SLC25A12: variants seen among roughly 807,000 people sequenced by gnomAD.
The protein encoded by SLC25A12 is electrogenic aspartate/glutamate antiporter SLC25A12, mitochondrial.
A neutral mutation model predicts 83.3 loss-of-function variants in SLC25A12; 32 were observed. The ratio of observed to expected loss-of-function variants is 0.38; its 90% CI spans 0.29 to 0.52. The LOEUF (loss-of-function observed/expected upper bound fraction) is 0.52. Ranked by LOEUF, SLC25A12 falls within the 20% of genes least tolerant of loss-of-function variation. The pLI is 0.84. For synonymous variants in SLC25A12, 267 were observed against 291.1 expected (o/e 0.92, Z 0.84); for missense variants, 611 against 835.6 (o/e 0.73, Z 3.31).
intron 17 of SLC25A12, among the ~76,000 whole-genome samples, chr2:171,785,856 GA>G (rs1690478741): frequency 6.6e-6 from 1 of 151,822 alleles, no homozygotes; most frequent in African/African-American, 2.4e-5. Flanking sequence ...AGCTGGTTTC[GA>G]ACTTCTGGTC....
At chr2:171,845,308 C>T (rs1006180185) in intron 4 of SLC25A12, among the ~76,000 whole-genome samples, 4 of 151,778 alleles carry the variant, frequency 2.6e-5, no homozygotes, top group Non-Finnish European at 5.9e-5. Context: ...TCTATACTTA[C>T]TATAAAAGTC....
chr2:171,844,334 T>C, intron 5 of SLC25A12, 35 bp downstream of exon 5: 1 of 1,601,532 alleles, frequency 6.2e-7, no homozygotes, highest in Non-Finnish European at 8.6e-7. Flanking sequence ...AGAAGAATAG[T>C]ATATATTGAT....
At chr2:171,846,930 C>T (rs1411916950) in intron 4 of SLC25A12, among the ~76,000 whole-genome samples, 1 of 152,122 alleles carries the variant, frequency 6.6e-6, no homozygotes, top group Non-Finnish European at 1.5e-5. Flanking sequence ...ACTTCTTAGC[C>T]ATCTCTAAAT....
intron 3 of SLC25A12, among the ~76,000 whole-genome samples, chr2:171,863,129 C>T (rs180777959): frequency 3.3e-5 from 5 of 152,260 alleles, no homozygotes; most frequent in African/African-American, 1.2e-4. Context: ...TCTCAAACTC[C>T]TGGCCTCAAG....
At chr2:171,888,739 G>C (rs889939069) in intron 2 of SLC25A12, among the ~76,000 whole-genome samples, 21 of 151,922 alleles carry the variant, frequency 1.4e-4, no homozygotes, top group Non-Finnish European at 2.9e-4. Flanking sequence ...CACCACACCC[G>C]GCCATTTTAT....
Position 171,877,673 on chromosome 2 carries a change from A to T in SLC25A12, c.67-8850T>A, listed in dbSNP as rs558326808. On this transcript the variant is annotated intron_variant, in intron 2 of 17. Coordinates refer to ENST00000422440, the MANE Select transcript of SLC25A12 (RefSeq NM_003705.5). The stretch of plus-strand genomic sequence containing the variant: ...GACCAGAAGAAGACTCCATCCCAGG[A>T]AAAAAAAAAAAAAAAAGGATGTATG... Among the ~76,000 whole-genome samples, 533 of 88,806 alleles carry T rather than the reference A, an allele frequency of 6.0e-3. 4 individuals are homozygous for T. Among genetic ancestry groups the T allele is most frequent in the African/African-American group, 0.017 (516 of 31,232 alleles). 58.3% of individuals were successfully genotyped at this position (88,806 alleles called of 152,430 possible).
In SLC25A12 at chr2:171,813,501, C is replaced by A. The variant is rs759281812; in HGVS notation, c.1013-4G>T. Reference sequence around the variant, plus strand: ...TACACTGCAGTGGCTCCCACAGCTACAAACAGAACAATTTTTAGGCTTAAA... The same window carrying A: ...TACACTGCAGTGGCTCCCACAGCTAAAAACAGAACAATTTTTAGGCTTAAA... On this transcript the variant is annotated splice_region_variant and splice_polypyrimidine_tract_variant and intron_variant, in intron 10 of 17. Coordinates refer to ENST00000422440, the MANE Select transcript of SLC25A12 (RefSeq NM_003705.5). 2.5e-6 allele frequency: 4 copies of A among 1,613,756 alleles called. No homozygotes were observed. The highest frequency in any genetic ancestry group is 3.4e-6 in the Non-Finnish European group (4 of 1,179,782).
rs1478022809 is a variant in SLC25A12 at position 171,791,548 on chromosome 2, T to A, written c.1488A>T (p.Ala496=). 1 of 1,613,858 alleles carries A rather than the reference T, an allele frequency of 6.2e-7. No individual in the cohort carries two copies. The highest frequency in any genetic ancestry group is 1.1e-5 in the South Asian group (1 of 91,082). ...AATGAGCATAAACAGGAAAATAGAT[T>A]GCAGAGAAGGGAATGTCTCGGAGGA... ...ACFLRDIPFS[A]IYFPVYAHCK... The change falls in exon 15 of 18, where the codon GCA becomes GCT. Residue 496 remains alanine, a synonymous_variant. Coordinates refer to ENST00000422440, the MANE Select transcript of SLC25A12 (RefSeq NM_003705.5).
chr2:171,859,821 G>T (rs1685117937), intron 3 of SLC25A12, among the ~76,000 whole-genome samples: 1 of 152,070 alleles, frequency 6.6e-6, no homozygotes. Context: ...GAGTGCAATG[G>T]CATGATCTCG....
At position 171,791,531 on chromosome 2, in the gene SLC25A12, T is replaced by C; in HGVS notation, c.1505A>G (p.Tyr502Cys). ...IPFSAIYFPVYAHCKLLLADE... is the reference protein window; with the variant it reads ...IPFSAIYFPVCAHCKLLLADE... ...AGCCAGAAGTAGTTTGCAATGAGCATAAACAGGAAAATAGATTGCAGAGAA... is the reference window on the plus strand; with the variant it reads ...AGCCAGAAGTAGTTTGCAATGAGCACAAACAGGAAAATAGATTGCAGAGAA... Residue 502 changes from tyrosine to cysteine, a missense_variant, in exon 15 of 18, where the codon TAT becomes TGT. Physicochemically the swap from Tyr to Cys is radical, Grantham distance 194 (BLOSUM62 -2). Transcript: ENST00000422440. 1 of 1,613,600 alleles carries C rather than the reference T, an allele frequency of 6.2e-7. No individual in the cohort carries two copies. Among genetic ancestry groups the C allele is most frequent in the Non-Finnish European group, 8.5e-7 (1 of 1,179,662 alleles).
At position 171,784,796 on chromosome 2, in the gene SLC25A12, T is replaced by C. The variant is rs1690456757; in HGVS notation, c.*478A>G. The C allele has an allele frequency of 5.5e-6, 1 of 183,108 alleles. No individual in the cohort carries two copies. Among genetic ancestry groups the C allele is most frequent in the South Asian group, 1.2e-4 (1 of 8,490 alleles). The allele number at this position is 183,108 out of a possible 1,614,324, so 11.3% of individuals were successfully genotyped here. ...AATTAAATACATCCAATATTGATGCTTTATTTCCATAAGTCACCAATAAGA... is the reference window on the plus strand; with the variant it reads ...AATTAAATACATCCAATATTGATGCCTTATTTCCATAAGTCACCAATAAGA... On this transcript the variant is annotated 3_prime_UTR_variant, in exon 18 of 18. Coordinates refer to ENST00000422440, the MANE Select transcript of SLC25A12 (RefSeq NM_003705.5).
At position 171,784,023 on chromosome 2, in the gene SLC25A12, T is replaced by C. The variant is rs886055121; in HGVS notation, c.*1251A>G. 6.6e-6 allele frequency among the ~76,000 whole-genome samples: 1 copy of C among 152,242 alleles called. No homozygotes were observed. The highest frequency in any genetic ancestry group is 1.5e-5 in the Non-Finnish European group (1 of 68,044). The stretch of plus-strand genomic sequence containing the variant: ...GCACTTTGGTAAGGTAAATAAATTC[T>C]GATACTGCACATCAAATCACATCCA... On this transcript the variant is annotated 3_prime_UTR_variant, in exon 18 of 18. Coordinates refer to ENST00000422440, the MANE Select transcript of SLC25A12 (RefSeq NM_003705.5).
rs1413120971 is a variant in SLC25A12 at position 171,787,681 on chromosome 2, G to A, written c.1745-20C>T. On this transcript the variant is annotated intron_variant, in intron 16 of 17. Coordinates refer to ENST00000422440, the MANE Select transcript of SLC25A12 (RefSeq NM_003705.5). ...CTCGAGCTGAAAAAGAGAAGCAGGG[G>A]CAGGGGAGACTTGAAACCAGGACAA... The A allele has an allele frequency of 1.9e-6, 3 of 1,611,132 alleles. No homozygotes were observed. Among genetic ancestry groups the A allele is most frequent in the South Asian group, 1.1e-5 (1 of 91,036 alleles).
chr2:171,881,534 A>G (rs1685694693), intron 2 of SLC25A12, among the ~76,000 whole-genome samples: 1 of 152,172 alleles, frequency 6.6e-6, no homozygotes, highest in African/African-American at 2.4e-5. Context: ...GTGGCAGGGA[A>G]TTATTGGCTT....
intron 7 of SLC25A12, chr2:171,834,475 A>C: frequency 1.9e-6 from 1 of 519,418 alleles, no homozygotes; most frequent in Non-Finnish European, 3.4e-6. Flanking sequence ...AGCTGCTGCC[A>C]CACTGCCACT....
At chr2:171,850,877 C>G (rs1313058385) in intron 4 of SLC25A12, among the ~76,000 whole-genome samples, 1 of 152,196 alleles carries the variant, frequency 6.6e-6, no homozygotes, top group African/African-American at 2.4e-5. Context: ...GTGGTTGTGC[C>G]TAACCCATCC....
chr2:171,860,037 C>T (rs773213719), intron 3 of SLC25A12, among the ~76,000 whole-genome samples: 28 of 152,130 alleles, frequency 1.8e-4, no homozygotes, highest in Middle Eastern at 3.4e-3. Flanking sequence ...CCAAAGTGCT[C>T]GGATTACAGC....
chr2:171,810,180 G>A (rs771626355), intron 12 of SLC25A12, 44 bp downstream of exon 12: 3 of 1,545,044 alleles, frequency 1.9e-6, no homozygotes, highest in South Asian at 1.1e-5. Flanking sequence ...TGGCTTAATG[G>A]TAATCTAAAC....
chr2:171,869,962 G>A (rs984297762), intron 2 of SLC25A12, among the ~76,000 whole-genome samples: 1 of 152,136 alleles, frequency 6.6e-6, no homozygotes, highest in Non-Finnish European at 1.5e-5. Flanking sequence ...CTCCTCAACA[G>A]TCCTGCTTTT....
Sources: gnomAD v4.1 joint callset for allele counts (sites outside exome capture counted in the v4.1 genomes callset) on GRCh38, gnomAD v4.1.1 for gene constraint, MANE v1.5 for transcripts, NCBI Gene and HGNC (gene_info 2026-07-23, HGNC 2026-07-21) for gene names.